Variants in ZNF552 observed in about 807,000 individuals in gnomAD.
The protein encoded by ZNF552 is zinc finger protein 552.
In ZNF552, 2 loss-of-function variants were observed where a neutral mutation model predicts 7.2. The observed-to-expected ratio is 0.28, with a 90% CI of 0.11 to 0.88. The LOEUF (loss-of-function observed/expected upper bound fraction) is 0.88, where lower values mean the gene tolerates loss of function less well. Among genes scored for constraint, ZNF552 ranks in the 40% least tolerant of loss-of-function variants. The pLI, the probability that ZNF552 is intolerant of heterozygous loss-of-function variation, is 0.60. For missense variants in ZNF552, 421 were observed against 493.4 expected (o/e 0.85, Z 1.39); for synonymous variants, 173 against 176.5 (o/e 0.98, Z 0.16).
Position 57,807,787 on chromosome 19 carries a change from T to C in ZNF552, c.*253A>G, listed in dbSNP as rs1425377562. ...CCTGTGAGTTATGCAGCCAGACTTC[T>C]GGATAAATATCCTGTATTTGTCACA... On this transcript the variant is annotated 3_prime_UTR_variant, in exon 3 of 3. Transcript: ENST00000391701. The C allele has an allele frequency of 2.2e-6, 1 of 461,442 alleles. No individual in the cohort carries two copies. Among genetic ancestry groups the C allele is most frequent in the Admixed American group, 4.1e-5 (1 of 24,294 alleles). The allele number at this position is 461,442 out of a possible 1,614,324, so 28.6% of individuals were successfully genotyped here.
At position 57,808,282 on chromosome 19, in the gene ZNF552, C is replaced by G. The variant is rs1463590466; in HGVS notation, c.982G>C (p.Asp328His). The G allele has an allele frequency of 6.2e-7, 1 of 1,614,142 alleles. No individual in the cohort carries two copies. Among genetic ancestry groups the G allele is most frequent in the Non-Finnish European group, 8.5e-7 (1 of 1,180,016 alleles). The change falls in exon 3 of 3, where the codon GAT becomes CAT. Residue 328 changes from aspartate to histidine, a missense_variant. Physicochemically the swap from Asp to His is moderately conservative, Grantham distance 81. Around this residue, in one of 2 missense-constraint regions of ZNF552, gnomAD observed 299 missense variants for 293.7 expected, o/e 1.02. Coordinates refer to ENST00000391701, the MANE Select transcript of ZNF552 (RefSeq NM_024762.3). ...CTGTGGGTAAATGACTTCCCACAAT[C>G]ACTGCATTCATATGGCCTTTCTCCA... is the stretch of plus-strand genomic sequence containing the variant. Reference protein sequence around the residue: ...HTGERPYECSDCGKSFTHSST... With the variant: ...HTGERPYECSHCGKSFTHSST...
At position 57,808,155 on chromosome 19, in the gene ZNF552, T is replaced by C. The variant is rs1568489890; in HGVS notation, c.1109A>G (p.His370Arg). The C allele has an allele frequency of 6.2e-7, 1 of 1,614,228 alleles. No homozygotes were observed. The highest frequency in any genetic ancestry group is 1.1e-5 in the South Asian group (1 of 91,086). ...CTTTTCTCCAGTGTGAACTCTCCTG[T>C]GTTTAGTGAGACTGGAGCTTTCGGC... is the stretch of plus-strand genomic sequence containing the variant. ...SFAESSSLTK[H>R]RRVHTGEKPY... Residue 370 changes from histidine to arginine, a missense_variant, in exon 3 of 3, where the codon CAC (histidine) becomes CGC (arginine). By Grantham distance (29) the His-to-Arg change is conservative (BLOSUM62 0). Around this residue, in one of 2 missense-constraint regions of ZNF552, gnomAD observed 299 missense variants for 293.7 expected, o/e 1.02. Coordinates refer to ENST00000391701, the MANE Select transcript of ZNF552 (RefSeq NM_024762.3).
At position 57,808,072 on chromosome 19, in the gene ZNF552, G is replaced by A. The variant is rs140694802; in HGVS notation, c.1192C>T (p.His398Tyr). The A allele has an allele frequency of 5.5e-5, 88 of 1,613,430 alleles. No homozygotes were observed. The highest frequency in any genetic ancestry group is 7.1e-5 in the Non-Finnish European group (84 of 1,179,772). The change falls in exon 3 of 3, where the codon CAT becomes TAT. Residue 398 changes from histidine (H) to tyrosine (Y), a missense_variant. His to Tyr is a moderately conservative substitution (Grantham distance 83, BLOSUM62 2). Coordinates refer to ENST00000391701, the MANE Select transcript of ZNF552 (RefSeq NM_024762.3). ...KFRQISSLRH[H>Y]QRVHKRKGL ...CCCTTTCTTTTGTGAACTCTCTGAT[G>A]ATGACGAAGTGAAGAGATTTGCCTA... is the stretch of plus-strand genomic sequence containing the variant.
chr19:57,809,337 G>T lies in ZNF552; in HGVS notation c.161-234C>A. ...AACCATGTATGTAACACAGGGAGTA[G>T]AGGCAGGGTCTACAATCCCTGCATC... On this transcript the variant is annotated intron_variant, in intron 2 of 2. Transcript: ENST00000391701. 5 of 871,650 alleles carry T rather than the reference G, an allele frequency of 5.7e-6. No individual in the cohort carries two copies. In the South Asian group the frequency reaches 7.4e-5, roughly 13 times the overall value. The allele number at this position is 871,650 out of a possible 1,614,324, so 54.0% of individuals were successfully genotyped here.
Position 57,808,799 on chromosome 19 carries a change from C to T in ZNF552, c.465G>A (p.Leu155=). The change falls in exon 3 of 3, where the codon TTG becomes TTA. Residue 155 remains leucine (L), a synonymous_variant. Transcript: ENST00000391701. ...CATGCAACTTACACCTCTTCGCAAACAACGCCTCCTCAACACTCCCTCTGT... is the reference window on the plus strand; with the variant it reads ...CATGCAACTTACACCTCTTCGCAAATAACGCCTCCTCAACACTCCCTCTGT... ...KPYRGSVEEA[L]FAKRCKLHVS... 1.2e-6 allele frequency: 2 copies of T among 1,614,150 alleles called. No homozygotes were observed. The highest frequency in any genetic ancestry group is 3.3e-5 in the Admixed American group (2 of 60,028).
At position 57,814,799 on chromosome 19, in the gene ZNF552, G is replaced by T. The variant is rs1987930128; in HGVS notation, c.-56C>A. The T allele has an allele frequency of 2.6e-6, 4 of 1,568,314 alleles. No individual in the cohort carries two copies. The highest frequency in any genetic ancestry group is 1.8e-5 in the Admixed American group (1 of 56,886). On this transcript the variant is annotated 5_prime_UTR_variant, in exon 1 of 3. In the 5' UTR this introduces an upstream ATG that the reference lacks. Transcript: ENST00000391701. ...CAGCGGGCGCCGTTAAAGAGCTGCA[G>T]AGTCACGTCTGTGCAAAGAGAAGAA...
rs1987791139 is a variant in ZNF552 at position 57,808,652 on chromosome 19, C to CA, written c.611dup (p.Phe205ValfsTer18). The CA allele has an allele frequency of 6.2e-7, 1 of 1,614,016 alleles. No individual in the cohort carries two copies. The highest frequency in any genetic ancestry group is 1.3e-5 in the African/African-American group (1 of 74,900). On this transcript the variant is annotated frameshift_variant, in exon 3 of 3. Coordinates refer to ENST00000391701, the MANE Select transcript of ZNF552 (RefSeq NM_024762.3). LOFTEE classifies it low-confidence loss of function (END_TRUNC). ...TGTAATGGCTTTTTCCCCCATGAAA[C>CA]AGAGACACACACTCAGTTTTGCTGT...
chr19:57,810,335 AAAAG>A lies in ZNF552; in HGVS notation c.161-1236_161-1233del, dbSNP rs755666207. ...AAATACAAAATATTAGCCTTTGGGGAAAAGAAAGAGAGATCAGACTGTTACTGTG... is the reference window on the plus strand; with the variant it reads ...AAATACAAAATATTAGCCTTTGGGGAAAAGAGAGATCAGACTGTTACTGTG... On this transcript the variant is annotated intron_variant, in intron 2 of 2. Coordinates refer to ENST00000391701, the MANE Select transcript of ZNF552 (RefSeq NM_024762.3). 1.1e-4 allele frequency among the ~76,000 whole-genome samples: 16 copies of A among 152,188 alleles called. No individual in the cohort carries two copies. In the East Asian group the frequency reaches 1.9e-3, roughly 18 times the overall value.
At position 57,808,174 on chromosome 19, in the gene ZNF552, T is replaced by A. The variant is rs1405706726; in HGVS notation, c.1090A>T (p.Ser364Cys). 3.1e-6 allele frequency: 5 copies of A among 1,614,092 alleles called. No homozygotes were observed. The East Asian group carries it at 1.1e-4, about 36-fold the overall frequency. The part of the protein sequence containing the change: ...CSECGKSFAE[S>C]SSLTKHRRVH... ...CTCCTGTGTTTAGTGAGACTGGAGC[T>A]TTCGGCAAAAGATTTCCCACATTCA... The change falls in exon 3 of 3, where the codon AGC becomes TGC. Residue 364 changes from serine (S) to cysteine (C), a missense_variant. Physicochemically the swap from Ser to Cys is moderately radical, Grantham distance 112 (BLOSUM62 -1). Transcript: ENST00000391701.
At position 57,808,063 on chromosome 19, in the gene ZNF552, C is replaced by G; in HGVS notation, c.1201G>C (p.Val401Leu). The G allele has an allele frequency of 6.2e-7, 1 of 1,611,484 alleles. No homozygotes were observed. Residue 401 changes from valine to leucine, a missense_variant, in exon 3 of 3, where the codon GTT becomes CTT. Coordinates refer to ENST00000391701, the MANE Select transcript of ZNF552 (RefSeq NM_024762.3). The part of the protein sequence containing the change: ...QISSLRHHQR[V>L]HKRKGL ...ACTCATAAGCCCTTTCTTTTGTGAA[C>G]TCTCTGATGATGACGAAGTGAAGAG...
rs1342077264 is a variant in ZNF552 at position 57,808,652 on chromosome 19, C to T, written c.612G>A (p.Leu204=). 6.2e-7 allele frequency: 1 copy of T among 1,614,134 alleles called. No homozygotes were observed. Among genetic ancestry groups the T allele is most frequent in the South Asian group, 1.1e-5 (1 of 91,088 alleles). ...KSNSKTECVS[L]FHGGKSHYSC... is the part of the protein sequence containing the mutation. ...TGTAATGGCTTTTTCCCCCATGAAA[C>T]AGAGACACACACTCAGTTTTGCTGT... is the stretch of plus-strand genomic sequence containing the variant. Residue 204 remains leucine, a synonymous_variant, in exon 3 of 3, where the codon CTG becomes CTA. Transcript: ENST00000391701.
At chr19:57,810,241 G>A (rs968251748) in intron 2 of ZNF552, among the ~76,000 whole-genome samples, 2 of 151,924 alleles carry the variant, frequency 1.3e-5, no homozygotes, top group African/African-American at 4.8e-5. Flanking sequence ...AGGCAGAGCT[G>A]GGCGGATCAC....
chr19:57,811,427 T>G (rs8111097), intron 2 of ZNF552, among the ~76,000 whole-genome samples: 5,641 of 152,056 alleles, frequency 0.037, 334 homozygotes, highest in African/African-American at 0.12. Context: ...CTCCCAAAGT[T>G]CTGGGATTAC....
rs745883201 is a variant in ZNF552 at position 57,808,892 on chromosome 19, C to G, written c.372G>C (p.Trp124Cys). 1.9e-6 allele frequency: 3 copies of G among 1,613,154 alleles called. No homozygotes were observed. The East Asian group carries it at 6.7e-5, about 36-fold the overall frequency. ...HKQKLHRCEA[W>C]GNKLYDSGNF... ...TTCCACTGTCATACAATTTATTCCC[C>G]CAGGCCTCACACCTGTGCAGTTTCT... Residue 124 changes from tryptophan to cysteine, a missense_variant, in exon 3 of 3, where the codon TGG (tryptophan) becomes TGC (cysteine). Coordinates refer to ENST00000391701, the MANE Select transcript of ZNF552 (RefSeq NM_024762.3).
At chr19:57,813,254 A>T in intron 2 of ZNF552, 40 bp downstream of exon 2, 1 of 1,609,772 alleles carries the variant, frequency 6.2e-7, no homozygotes, top group South Asian at 1.1e-5. Flanking sequence ...GGAAAGACAG[A>T]GACTAGCTCA....
rs61731284 is a variant in ZNF552 at position 57,808,358 on chromosome 19, C to T, written c.906G>A (p.Gln302=). 4.3e-6 allele frequency: 7 copies of T among 1,613,002 alleles called. No homozygotes were observed. The highest frequency in any genetic ancestry group is 5.9e-6 in the Non-Finnish European group (7 of 1,179,188). ...GGTGGTACTTGTGCCTAAAAAATTT[C>T]TGACAAACCTCACACTCATATGGCT... The part of the protein sequence containing the change: ...GEKPYECEVC[Q]KFFRHKYHLI... The change falls in exon 3 of 3, where the codon CAG becomes CAA. Residue 302 remains glutamine, a synonymous_variant. Coordinates refer to ENST00000391701, the MANE Select transcript of ZNF552 (RefSeq NM_024762.3).
At chr19:57,813,801 A>G (rs1414945710) in intron 1 of ZNF552, among the ~76,000 whole-genome samples, 4 of 135,846 alleles carry the variant, frequency 2.9e-5, no homozygotes, top group South Asian at 2.2e-4. Context: ...GTGGAGTGCA[A>G]TGGCGCGATC....
intron 2 of ZNF552, among the ~76,000 whole-genome samples, chr19:57,810,645 A>G (rs887453856): frequency 7.9e-5 from 12 of 152,136 alleles, no homozygotes; most frequent in Non-Finnish European, 1.8e-4. Flanking sequence ...GTATTGCCCA[A>G]GGTTTCTCCC....
chr19:57,811,173 T>TC (rs912658727), intron 2 of ZNF552, among the ~76,000 whole-genome samples: 7 of 152,030 alleles, frequency 4.6e-5, no homozygotes, highest in African/African-American at 1.7e-4. Context: ...TTTTTTTTTT[T>TC]ATTTTTTATT....
Sources: gnomAD v4.1 joint callset for allele counts (sites outside exome capture counted in the v4.1 genomes callset) on GRCh38, gnomAD v4.1.1 for gene constraint, gnomAD v4.1.1 regional missense constraint, MANE v1.5 for transcripts, NCBI Gene and HGNC (gene_info 2026-07-23, HGNC 2026-07-21) for gene names.